OSM: variants seen among roughly 807,000 people sequenced by gnomAD.
OSM encodes the protein oncostatin-M.
OSM carries 1 observed loss-of-function variant against 6.3 expected under a neutral mutation model. That is an observed-to-expected ratio of 0.16 (90% CI 0.06 to 0.76). The LOEUF is 0.76. Ranked by LOEUF, OSM falls within the 30% of genes least tolerant of loss-of-function variation. The pLI, the probability that OSM is intolerant of heterozygous loss-of-function variation, is 0.77. For synonymous variants in OSM, 135 were observed against 143.4 expected (o/e 0.94, Z 0.42); for missense variants, 324 against 336.9 (o/e 0.96, Z 0.30).
Position 30,266,656 on chromosome 22 carries a change from G to C in OSM, c.34+110C>G. 2.4e-6 allele frequency: 3 copies of C among 1,225,374 alleles called. No homozygotes were observed. The highest frequency in any genetic ancestry group is 3.6e-6 in the Non-Finnish European group (3 of 844,808). The allele number at this position is 1,225,374 out of a possible 1,614,324, so 75.9% of individuals were successfully genotyped here. A position where few individuals can be genotyped will look rare whatever the true frequency, so the allele number is the denominator to read the frequency against. Reference sequence around the variant, plus strand: ...TCCCCTTCTCAGCATCCTTCTGCCTGGCGCCTGGCCTCCCCAGTTCCCGGA... The same window carrying C: ...TCCCCTTCTCAGCATCCTTCTGCCTCGCGCCTGGCCTCCCCAGTTCCCGGA... On this transcript the variant is annotated intron_variant, in intron 1 of 2. Transcript: ENST00000215781. The surrounding 1 kb of genome is among the most constrained non-coding windows in gnomAD (Gnocchi z 5.0).
At chr22:30,265,214 G>C in intron 1 of OSM, 70 bp from the exon 2 acceptor site, 1 of 1,560,644 alleles carries the variant, frequency 6.4e-7, no homozygotes. Flanking sequence ...CGGGGAGGGG[G>C]TTCAAGAGGG....
At position 30,264,265 on chromosome 22, in the gene OSM, G is replaced by C; in HGVS notation, c.377C>G (p.Ser126Cys). The C allele has an allele frequency of 6.2e-7, 1 of 1,614,148 alleles. No homozygotes were observed. Among genetic ancestry groups the C allele is most frequent in the Non-Finnish European group, 8.5e-7 (1 of 1,180,044 alleles). The change falls in exon 3 of 3, where the codon TCT (serine) becomes TGT (cysteine). Residue 126 changes from serine to cysteine, a missense_variant. Physicochemically the swap from Ser to Cys is moderately radical, Grantham distance 112. Coordinates refer to ENST00000215781, the MANE Select transcript of OSM (RefSeq NM_020530.6). Reference protein sequence around the residue: ...RLPKAQDLERSGLNIEDLEKL... With the variant: ...RLPKAQDLERCGLNIEDLEKL... ...CTCCAAGTCCTCGATGTTCAGCCCA[G>C]ACCTCTCCAAATCCTGGGCCTTGGG...
intron 2 of OSM, 85 bp downstream of exon 2, chr22:30,264,917 C>T (rs764778991): frequency 4.6e-6 from 7 of 1,514,074 alleles, no homozygotes; most frequent in South Asian, 3.6e-5. Flanking sequence ...TGGAGTGGGG[C>T]TAGGCCTGTC....
intron 1 of OSM, among the ~76,000 whole-genome samples, chr22:30,265,969 C>T (rs1929380876): frequency 1.3e-5 from 2 of 152,256 alleles, no homozygotes; most frequent in African/African-American, 2.4e-5. Context: ...GCGCAATGGC[C>T]CGGAAGGCAG....
At chr22:30,265,857 G>A (rs1390963115) in intron 1 of OSM, 1 of 152,406 alleles carries the variant, frequency 6.6e-6, no homozygotes, top group South Asian at 2.0e-4. Context: ...GCCCACCAGG[G>A]ATGCTGTGAG....
chr22:30,266,622 C>T lies in OSM; in HGVS notation c.34+144G>A. The T allele has an allele frequency of 1.2e-6, 1 of 834,804 alleles. No homozygotes were observed. Among genetic ancestry groups the T allele is most frequent in the Non-Finnish European group, 1.9e-6 (1 of 521,892 alleles). 51.7% of individuals were successfully genotyped at this position (834,804 alleles called of 1,614,324 possible). On this transcript the variant is annotated intron_variant, in intron 1 of 2. Coordinates refer to ENST00000215781, the MANE Select transcript of OSM (RefSeq NM_020530.6). This position sits in a 1 kb window ranked among gnomAD's most constrained non-coding sequence, Gnocchi z 5.0. ...TGGACCACTCTCTCTGCCTGACCTCCTGGCTCTCTCCCCTTCTCAGCATCC... is the reference window on the plus strand; with the variant it reads ...TGGACCACTCTCTCTGCCTGACCTCTTGGCTCTCTCCCCTTCTCAGCATCC...
rs1455665059 is a variant in OSM at position 30,263,782 on chromosome 22, G to A, written c.*101C>T. On this transcript the variant is annotated 3_prime_UTR_variant, in exon 3 of 3. Coordinates refer to ENST00000215781, the MANE Select transcript of OSM (RefSeq NM_020530.6). ...GCACTTCTCAGTGGCTAGTAGCAGAGGGGAACAGGTTTGGGGACCCGGGAG... is the reference window on the plus strand; with the variant it reads ...GCACTTCTCAGTGGCTAGTAGCAGAAGGGAACAGGTTTGGGGACCCGGGAG... 12 of 916,418 alleles carry A rather than the reference G, an allele frequency of 1.3e-5. No homozygotes were observed. Among genetic ancestry groups the A allele is most frequent in the Non-Finnish European group, 1.9e-5 (12 of 624,486 alleles). 56.8% of individuals were successfully genotyped at this position (916,418 alleles called of 1,614,324 possible).
chr22:30,266,243 G>T lies in OSM; in HGVS notation c.34+523C>A, dbSNP rs1427092753. ...TCACCATGGGGACTCTGGTCTGCAT[G>T]TGGGGGTTCCTGGGCTGGTGAGATC... On this transcript the variant is annotated intron_variant, in intron 1 of 2. Coordinates refer to ENST00000215781, the MANE Select transcript of OSM (RefSeq NM_020530.6). This position sits in a 1 kb window ranked among gnomAD's most constrained non-coding sequence, Gnocchi z 5.0. Among the ~76,000 whole-genome samples the T allele has an allele frequency of 2.0e-5, 3 of 152,210 alleles. No individual in the cohort carries two copies. The highest frequency in any genetic ancestry group is 4.4e-5 in the Non-Finnish European group (3 of 68,024).
rs1929389673 is a variant in OSM, at chr22:30,266,244, T to TGG, written c.34+520_34+521dup. 6.6e-6 allele frequency among the ~76,000 whole-genome samples: 1 copy of TGG among 152,118 alleles called. No homozygotes were observed. Among genetic ancestry groups the TGG allele is most frequent in the Admixed American group, 6.5e-5 (1 of 15,276 alleles). ...CACCATGGGGACTCTGGTCTGCATG[T>TGG]GGGGGTTCCTGGGCTGGTGAGATCC... On this transcript the variant is annotated intron_variant, in intron 1 of 2. Coordinates refer to ENST00000215781, the MANE Select transcript of OSM (RefSeq NM_020530.6). This position sits in a 1 kb window ranked among gnomAD's most constrained non-coding sequence, Gnocchi z 5.0.
intron 1 of OSM, chr22:30,265,701 T>C (rs138834416): frequency 1.8e-3 from 274 of 154,286 alleles, no homozygotes; most frequent in African/African-American, 6.3e-3. Flanking sequence ...GGAACAGATG[T>C]GGAAGACCTT....
chr22:30,266,160 G>A lies in OSM; in HGVS notation c.34+606C>T, dbSNP rs1409898551. On this transcript the variant is annotated intron_variant, in intron 1 of 2. Transcript: ENST00000215781. The surrounding 1 kb of genome is among the most constrained non-coding windows in gnomAD (Gnocchi z 5.0). ...CCTGTGGCAGCGCACGTGGGACTGG[G>A]GTTTCTGTGTGGCTGTGCATCTGGG... Among the ~76,000 whole-genome samples, 1 of 152,350 alleles carries A rather than the reference G, an allele frequency of 6.6e-6. No homozygotes were observed. The highest frequency in any genetic ancestry group is 2.1e-4 in the South Asian group (1 of 4,830).
In OSM at chr22:30,263,895, C is replaced by T. The variant is rs371004119; in HGVS notation, c.747G>A (p.Gln249=). Residue 249 remains glutamine, a synonymous_variant, in exon 3 of 3, where the codon CAG becomes CAA. Transcript: ENST00000215781. ...GGTGCTCTCGAGGCTACCGGGGCAG[C>T]TGTCCCCTGGTCATGAGTCTCTTGC... is the stretch of plus-strand genomic sequence containing the variant. ...RKGKRLMTRG[Q]LPR The T allele has an allele frequency of 1.5e-5, 23 of 1,499,912 alleles. No individual in the cohort carries two copies. The highest frequency in any genetic ancestry group is 1.9e-5 in the Non-Finnish European group (21 of 1,126,796). 92.9% of individuals were successfully genotyped at this position (1,499,912 alleles called of 1,614,324 possible).
In OSM at chr22:30,265,083, C is replaced by T. The variant is rs773883252; in HGVS notation, c.96G>A (p.Ser32=). Residue 32 remains serine (S), a synonymous_variant, in exon 2 of 3, where the codon TCG becomes TCA. Transcript: ENST00000215781. ...MASMAAIGSC[S]KEYRVLLGQL... ...GGCCAAGGAGCACGCGGTACTCTTTCGAGCAGCTGCCTATAGCCGCCATGC... is the reference window on the plus strand; with the variant it reads ...GGCCAAGGAGCACGCGGTACTCTTTTGAGCAGCTGCCTATAGCCGCCATGC... The T allele has an allele frequency of 5.0e-6, 8 of 1,614,034 alleles. No homozygotes were observed. The highest frequency in any genetic ancestry group is 4.5e-5 in the East Asian group (2 of 44,896).
chr22:30,266,680 G>A lies in OSM; in HGVS notation c.34+86C>T. On this transcript the variant is annotated intron_variant, in intron 1 of 2. Coordinates refer to ENST00000215781, the MANE Select transcript of OSM (RefSeq NM_020530.6). This position sits in a 1 kb window ranked among gnomAD's most constrained non-coding sequence, Gnocchi z 5.0. ...TGGCGCCTGGCCTCCCCAGTTCCCG[G>A]AGGGCAGAGGGTGCCTCTGCTCCCC... The A allele has an allele frequency of 1.3e-6, 2 of 1,490,172 alleles. No individual in the cohort carries two copies. The highest frequency in any genetic ancestry group is 1.9e-6 in the Non-Finnish European group (2 of 1,075,770). The allele number at this position is 1,490,172 out of a possible 1,614,324, so 92.3% of individuals were successfully genotyped here.
Position 30,264,447 on chromosome 22 carries a change from C to T in OSM, c.195G>A (p.Leu65=), listed in dbSNP as rs1261639865. 2 of 1,605,608 alleles carry T rather than the reference C, an allele frequency of 1.2e-6. No homozygotes were observed. Among genetic ancestry groups the T allele is most frequent in the African/African-American group, 1.3e-5 (1 of 74,882 alleles). ...AGTGCTCTCTCAGTTTAGGAACATC[C>T]AGGCCTTGGATACGTATCTGGCGGG... ...LLDPYIRIQG[L]DVPKLREHCR... The change falls in exon 3 of 3, where the codon CTG becomes CTA. Residue 65 remains leucine, a synonymous_variant. Transcript: ENST00000215781.
chr22:30,263,994 C>T lies in OSM; in HGVS notation c.648G>A (p.Pro216=), dbSNP rs116796967. The change falls in exon 3 of 3, where the codon CCG becomes CCA. Residue 216 remains proline, a synonymous_variant. Coordinates refer to ENST00000215781, the MANE Select transcript of OSM (RefSeq NM_020530.6). ...GGGGGCTGTGTCTCCGGCTCCGGTT[C>T]GGGCTCTCCCCCCACTTGCTGAAGA... ...GRVFSKWGES[P]NRSRRHSPHQ... is the part of the protein sequence containing the mutation. The T allele has an allele frequency of 8.4e-4, 1,312 of 1,553,474 alleles. 12 individuals are homozygous for T. In the African/African-American group the frequency reaches 0.015, roughly 18 times the overall value.
chr22:30,266,195 G>A lies in OSM; in HGVS notation c.34+571C>T, dbSNP rs999781447. ...TGGCTGTGCATCTGGGTCTGTGTGCGGCGTGAGGGAGACCTGTTCCGTTCA... is the reference window on the plus strand; with the variant it reads ...TGGCTGTGCATCTGGGTCTGTGTGCAGCGTGAGGGAGACCTGTTCCGTTCA... On this transcript the variant is annotated intron_variant, in intron 1 of 2. Transcript: ENST00000215781. This position sits in a 1 kb window ranked among gnomAD's most constrained non-coding sequence, Gnocchi z 5.0. Among the ~76,000 whole-genome samples the A allele has an allele frequency of 1.1e-4, 17 of 152,316 alleles. No individual in the cohort carries two copies. Among genetic ancestry groups the A allele is most frequent in the African/African-American group, 3.8e-4 (16 of 41,576 alleles).
At chr22:30,265,457 C>T in intron 1 of OSM, 1 of 1,127,160 alleles carries the variant, frequency 8.9e-7, no homozygotes, top group Non-Finnish European at 1.1e-6. Flanking sequence ...CCCAGTCCTG[C>T]CTACAGCACG....
intron 2 of OSM, among the ~76,000 whole-genome samples, 173 bp from the exon 3 acceptor site, chr22:30,264,637 C>T (rs1206571487): frequency 6.6e-6 from 1 of 152,144 alleles, no homozygotes; most frequent in Non-Finnish European, 1.5e-5. Flanking sequence ...CAGGCAAGGT[C>T]GGAGTGATGT....
Sources: allele counts gnomAD v4.1 joint callset (sites outside exome capture counted in the v4.1 genomes callset), GRCh38; gene constraint gnomAD v4.1.1; non-coding constraint Gnocchi (gnomAD v3.1); transcripts MANE v1.5; gene names NCBI Gene and HGNC (gene_info 2026-07-23, HGNC 2026-07-21).